Variants in KCNJ6 observed in about 807,000 individuals in gnomAD.
KCNJ6 encodes potassium inwardly rectifying channel subfamily J member 6, also known as G protein-activated inward rectifier potassium channel 2.
In KCNJ6, 9 loss-of-function variants were observed where a neutral mutation model predicts 34.2. The ratio of observed to expected loss-of-function variants is 0.26; its 90% CI spans 0.16 to 0.46. The LOEUF is 0.46. Among genes scored for constraint, KCNJ6 ranks in the 20% least tolerant of loss-of-function variants. KCNJ6 has a pLI of 1.00. For synonymous variants in KCNJ6, 196 were observed against 207.1 expected (o/e 0.95, Z 0.46); for missense variants, 236 against 531.3 (o/e 0.44, Z 5.46).
chr21:37,864,998 C>G (rs2055615213), intron 1 of KCNJ6, among the ~76,000 whole-genome samples: 1 of 151,824 alleles, frequency 6.6e-6, no homozygotes, highest in Non-Finnish European at 1.5e-5. Context: ...AGTCACTGTG[C>G]CTGGCCCAGA....
intron 2 of KCNJ6, among the ~76,000 whole-genome samples, chr21:37,782,986 C>T (rs754708733): frequency 5.0e-4 from 76 of 152,288 alleles, no homozygotes; most frequent in Non-Finnish European, 9.8e-4. Flanking sequence ...AGGCTGACTT[C>T]CTCCTGCCAC....
chr21:37,754,896 C>T (rs1186563891), intron 2 of KCNJ6, among the ~76,000 whole-genome samples: 1 of 152,128 alleles, frequency 6.6e-6, no homozygotes, highest in Non-Finnish European at 1.5e-5. Flanking sequence ...GAGGAGTAAG[C>T]AAGGCTAAGC....
chr21:37,662,252 C>T (rs938998398), intron 3 of KCNJ6, among the ~76,000 whole-genome samples: 2 of 152,120 alleles, frequency 1.3e-5, no homozygotes, highest in African/African-American at 2.4e-5. Flanking sequence ...TGCTCTCCCT[C>T]CCCATCCCCA....
Position 37,620,232 on chromosome 21 carries a change from A to G in KCNJ6, c.*4927T>C, listed in dbSNP as rs1357434347. ...TAGTACCAATAGTACTTAACAGTAC[A>G]GTACAGGGGTCAGCAAACTTTTTTT... On this transcript the variant is annotated 3_prime_UTR_variant, in exon 4 of 4. Coordinates refer to ENST00000609713, the MANE Select transcript of KCNJ6 (RefSeq NM_002240.5). 6.6e-6 allele frequency: 1 copy of G among 152,188 alleles called. No individual in the cohort carries two copies. The highest frequency in any genetic ancestry group is 1.5e-5 in the Non-Finnish European group (1 of 68,036). The allele number at this position is 152,188 out of a possible 1,614,324, so 9.4% of individuals were successfully genotyped here.
rs547659640 is a variant in KCNJ6, at chr21:37,704,296, C to T, written c.946+9915G>A. ...TTCCCCTGAGGTTGTACACCTTTTC[C>T]AACTTTGTTTGAGGAAACATAAAGT... On this transcript the variant is annotated intron_variant, in intron 3 of 3. Transcript: ENST00000609713. Among the ~76,000 whole-genome samples the T allele has an allele frequency of 3.4e-5, 4 of 116,638 alleles. No individual in the cohort carries two copies. In the South Asian group the frequency reaches 1.1e-3, roughly 32 times the overall value. 76.5% of individuals were successfully genotyped at this position (116,638 alleles called of 152,430 possible). A position where few individuals can be genotyped will look rare whatever the true frequency, so the allele number is the denominator to read the frequency against.
chr21:37,885,494 C>T (rs534086745), intron 1 of KCNJ6, among the ~76,000 whole-genome samples: 4 of 152,320 alleles, frequency 2.6e-5, no homozygotes, highest in South Asian at 4.1e-4. Context: ...GGGAGATGAT[C>T]CTGTGGGGGC....
intron 1 of KCNJ6, among the ~76,000 whole-genome samples, chr21:37,898,105 A>G (rs4817903): frequency 0.32 from 48,980 of 152,052 alleles, 9,734 homozygotes; most frequent in East Asian, 0.71. Flanking sequence ...TCCGTGTGGG[A>G]AGGGGAAGGC....
At chr21:37,828,184 C>T (rs1161868502) in intron 2 of KCNJ6, among the ~76,000 whole-genome samples, 2 of 152,202 alleles carry the variant, frequency 1.3e-5, no homozygotes, top group African/African-American at 2.4e-5. Flanking sequence ...ACCCCCAACA[C>T]CTTTGAGCCT....
intron 1 of KCNJ6, among the ~76,000 whole-genome samples, chr21:37,861,688 T>C (rs1476063166): frequency 1.3e-5 from 2 of 152,132 alleles, no homozygotes; most frequent in Non-Finnish European, 2.9e-5. Flanking sequence ...ACAGAGCTGG[T>C]CCCTCTGCCC....
intron 1 of KCNJ6, among the ~76,000 whole-genome samples, chr21:37,876,584 C>CA (rs556369803): frequency 2.7e-5 from 4 of 150,362 alleles, no homozygotes; most frequent in Non-Finnish European, 5.9e-5. Context: ...GTCCTTTTTT[C>CA]AAAGTATATT....
chr21:37,617,324 T>C lies in KCNJ6; in HGVS notation c.*7835A>G, dbSNP rs1489995130. On this transcript the variant is annotated 3_prime_UTR_variant, in exon 4 of 4. Transcript: ENST00000609713. ...ACCTCCCCCTCCCAAGTTTAAGCTA[T>C]TCTTGTGCCTCAGCCTCCAGAGTAG... 7 of 152,076 alleles carry C rather than the reference T, an allele frequency of 4.6e-5. No homozygotes were observed. Among genetic ancestry groups the C allele is most frequent in the African/African-American group, 1.7e-4 (7 of 41,352 alleles). The allele number at this position is 152,076 out of a possible 1,614,324, so 9.4% of individuals were successfully genotyped here. A position where few individuals can be genotyped will look rare whatever the true frequency, so the allele number is the denominator to read the frequency against.
chr21:37,770,507 A>C (rs2055112948), intron 2 of KCNJ6, among the ~76,000 whole-genome samples: 1 of 152,228 alleles, frequency 6.6e-6, no homozygotes, highest in South Asian at 2.1e-4. Context: ...GATGTAATGA[A>C]GAGTGTGTCT....
chr21:37,891,658 G>GGAAGACCCTAA (rs1183981542), intron 1 of KCNJ6, among the ~76,000 whole-genome samples: 3 of 151,712 alleles, frequency 2.0e-5, no homozygotes, highest in Non-Finnish European at 4.4e-5. Context: ...GCTGAACCTA[G>GGAAGACCCTAA]GGGGCCCAGG....
intron 3 of KCNJ6, among the ~76,000 whole-genome samples, chr21:37,703,763 A>C (rs2123439878): frequency 6.6e-6 from 1 of 152,314 alleles, no homozygotes; most frequent in Non-Finnish European, 1.5e-5. Flanking sequence ...GACTGCACTC[A>C]AGGACAGAAA....
chr21:37,675,036 A>T lies in KCNJ6; in HGVS notation c.946+39175T>A, dbSNP rs781540105. Among the ~76,000 whole-genome samples, 2 of 152,108 alleles carry T rather than the reference A, an allele frequency of 1.3e-5. No individual in the cohort carries two copies. Among genetic ancestry groups the T allele is most frequent in the Non-Finnish European group, 2.9e-5 (2 of 68,012 alleles). On this transcript the variant is annotated intron_variant, in intron 3 of 3. Coordinates refer to ENST00000609713, the MANE Select transcript of KCNJ6 (RefSeq NM_002240.5). The surrounding 1 kb of genome is among the most constrained non-coding windows in gnomAD (Gnocchi z 4.2). ...GTCCCCAAGCCTTCCAGGTGGACTC[A>T]TGCAGTCCTGCTCGGAGCTCCTCTG... is the stretch of plus-strand genomic sequence containing the variant.
chr21:37,853,560 T>A (rs1260139531), intron 1 of KCNJ6, among the ~76,000 whole-genome samples: 1 of 151,808 alleles, frequency 6.6e-6, no homozygotes, highest in Non-Finnish European at 1.5e-5. Flanking sequence ...AAGGAAATAA[T>A]AAAAGAAGCA....
chr21:37,688,380 T>TA lies in KCNJ6; in HGVS notation c.946+25830dup, dbSNP rs397793297. Among the ~76,000 whole-genome samples, 64 of 151,408 alleles carry TA rather than the reference T, an allele frequency of 4.2e-4. 1 individual carries two copies. The East Asian group carries it at 5.2e-3, about 12-fold the overall frequency. ...CCGTATTTTAAAAGCATTTTTTTTT[T>TA]AAAAAATCTACTACATTCTAGATTC... is the stretch of plus-strand genomic sequence containing the variant. On this transcript the variant is annotated intron_variant, in intron 3 of 3. Coordinates refer to ENST00000609713, the MANE Select transcript of KCNJ6 (RefSeq NM_002240.5).
At chr21:37,685,501 G>A in intron 3 of KCNJ6, among the ~76,000 whole-genome samples, 1 of 54,680 alleles carries the variant, frequency 1.8e-5, no homozygotes, top group Admixed American at 2.3e-4. Flanking sequence ...CTAACATGGT[G>A]AAACCCCGCC....
At chr21:37,863,111 G>T (rs2055603022) in intron 1 of KCNJ6, among the ~76,000 whole-genome samples, 2 of 152,110 alleles carry the variant, frequency 1.3e-5, no homozygotes, top group South Asian at 4.1e-4. Context: ...GGAAAAACAT[G>T]TTTTATAGTC....
Sources: gnomAD v4.1 joint callset for allele counts (sites outside exome capture counted in the v4.1 genomes callset) on GRCh38, gnomAD v4.1.1 for gene constraint, Gnocchi (gnomAD v3.1) non-coding constraint, MANE v1.5 for transcripts, NCBI Gene and HGNC (gene_info 2026-07-23, HGNC 2026-07-21) for gene names.